Variants in PITPNC1 observed in about 807,000 individuals in gnomAD.
PITPNC1 encodes the protein phosphatidylinositol transfer protein cytoplasmic 1, also known as cytoplasmic phosphatidylinositol transfer protein 1.
Under a neutral mutation model 44.7 loss-of-function variants are expected in PITPNC1, and 18 were observed. The observed-to-expected ratio is 0.40, with a 90% CI of 0.28 to 0.60. PITPNC1 has a LOEUF of 0.60. Ranked by LOEUF, PITPNC1 falls within the 20% of genes least tolerant of loss-of-function variation. The pLI is 0.39. For synonymous variants in PITPNC1, 141 were observed against 149.6 expected (o/e 0.94, Z 0.42); for missense variants, 290 against 418.4 (o/e 0.69, Z 2.68).
chr17:67,612,412 A>G (rs767938951), intron 5 of PITPNC1: 2 of 152,316 alleles, frequency 1.3e-5, no homozygotes, highest in Non-Finnish European at 2.9e-5. Context: ...CATACCCACT[A>G]TCTCACCAGG....
chr17:67,673,916 G>A (rs979152775), intron 7 of PITPNC1, among the ~76,000 whole-genome samples: 8 of 136,854 alleles, frequency 5.8e-5, no homozygotes, highest in African/African-American at 1.1e-4. Context: ...GCAGTGAGCC[G>A]AGATGGCGCC....
At chr17:67,669,769 G>A in intron 7 of PITPNC1, 106 bp downstream of exon 7, 1 of 814,404 alleles carries the variant, frequency 1.2e-6, no homozygotes, top group Non-Finnish European at 1.9e-6. Flanking sequence ...TCAGGTCACT[G>A]CATCTCAAAA....
rs528358016 is a variant in PITPNC1, at chr17:67,508,717, G to A, written c.49-24085G>A. On this transcript the variant is annotated intron_variant, in intron 1 of 8. Transcript: ENST00000581322. The surrounding 1 kb of genome is among the most constrained non-coding windows in gnomAD (Gnocchi z 4.2). ...AAATACTTAGCTGAGGTACCTTCAA[G>A]AGGCAAATTCATAGAGTCAGAAGGT... is the stretch of plus-strand genomic sequence containing the variant. 6.6e-6 allele frequency among the ~76,000 whole-genome samples: 1 copy of A among 152,212 alleles called. No individual in the cohort carries two copies. The highest frequency in any genetic ancestry group is 2.1e-4 in the South Asian group (1 of 4,820).
intron 1 of PITPNC1, among the ~76,000 whole-genome samples, chr17:67,462,753 A>T (rs993501977): frequency 7.8e-6 from 1 of 128,316 alleles, no homozygotes; most frequent in Non-Finnish European, 1.6e-5. Context: ...CCCAGGCTGG[A>T]GTGCAATGGC....
At chr17:67,413,246 A>G (rs1393572211) in intron 1 of PITPNC1, among the ~76,000 whole-genome samples, 1 of 152,166 alleles carries the variant, frequency 6.6e-6, no homozygotes, top group Non-Finnish European at 1.5e-5. Context: ...TATTTTTAGC[A>G]AACACTCTCC....
chr17:67,599,001 C>T (rs1398831199), intron 5 of PITPNC1, among the ~76,000 whole-genome samples: 5 of 45,160 alleles, frequency 1.1e-4, no homozygotes, highest in Non-Finnish European at 1.8e-4. Flanking sequence ...ATAAGAAATA[C>T]ATATATATAT....
At position 67,553,876 on chromosome 17, in the gene PITPNC1, A is replaced by G. The variant is rs576321821; in HGVS notation, c.294+259A>G. On this transcript the variant is annotated intron_variant, in intron 4 of 8. Coordinates refer to ENST00000581322, the MANE Select transcript of PITPNC1 (RefSeq NM_012417.4). Reference sequence around the variant, plus strand: ...AATCAGCCTTTGCTTGTAATTTTTAAATAGCTTGACTGCTTTGTTGGTGAT... The same window carrying G: ...AATCAGCCTTTGCTTGTAATTTTTAGATAGCTTGACTGCTTTGTTGGTGAT... Among the ~76,000 whole-genome samples the G allele has an allele frequency of 5.9e-5, 9 of 152,344 alleles. No homozygotes were observed. The East Asian group carries it at 1.7e-3, about 29-fold the overall frequency.
intron 1 of PITPNC1, among the ~76,000 whole-genome samples, chr17:67,406,260 A>C (rs1280736015): frequency 6.6e-6 from 1 of 152,112 alleles, no homozygotes; most frequent in Non-Finnish European, 1.5e-5. Context: ...CTCCTGCCTC[A>C]GCCTCCTGAG....
chr17:67,684,983 C>A (rs1006225116), intron 8 of PITPNC1, among the ~76,000 whole-genome samples: 1 of 152,246 alleles, frequency 6.6e-6, no homozygotes, highest in South Asian at 2.1e-4. Flanking sequence ...TTCCAAATTA[C>A]TGTCATGCCT....
chr17:67,423,093 C>T lies in PITPNC1; in HGVS notation c.48+44891C>T, dbSNP rs181832812. On this transcript the variant is annotated intron_variant, in intron 1 of 8. Transcript: ENST00000581322. The stretch of plus-strand genomic sequence containing the variant: ...CTGTTTTGATATGTTGAACAAAGTC[C>T]ATTGATTCTTCATGGAGGAGTGCTT... Among the ~76,000 whole-genome samples the T allele has an allele frequency of 1.7e-4, 26 of 152,040 alleles. No individual in the cohort carries two copies. In the East Asian group the frequency reaches 4.4e-3, roughly 26 times the overall value.
At chr17:67,609,287 C>CATT (rs2041656292) in intron 5 of PITPNC1, among the ~76,000 whole-genome samples, 1 of 129,836 alleles carries the variant, frequency 7.7e-6, no homozygotes, top group South Asian at 2.5e-4. Context: ...TCTTCTTCTT[C>CATT]CTTTTTTTTT....
At chr17:67,394,056 TCTCAAACTC>T (rs2038177925) in intron 1 of PITPNC1, among the ~76,000 whole-genome samples, 2 of 152,144 alleles carry the variant, frequency 1.3e-5, no homozygotes, top group Admixed American at 1.3e-4. Context: ...ACCAGGCTGT[TCTCAAACTC>T]CTGACCTCAT....
rs2043016470 is a variant in PITPNC1, at chr17:67,696,748, G to A, written c.*3860G>A. On this transcript the variant is annotated 3_prime_UTR_variant, in exon 9 of 9. Transcript: ENST00000581322. ...CAATCTGTTTGCATTTGAAATATAAGTGTTTAAGCTTTTTAGGAGTTAGTG... is the reference window on the plus strand; with the variant it reads ...CAATCTGTTTGCATTTGAAATATAAATGTTTAAGCTTTTTAGGAGTTAGTG... 6.6e-6 allele frequency: 1 copy of A among 152,226 alleles called. No individual in the cohort carries two copies. The highest frequency in any genetic ancestry group is 2.4e-5 in the African/African-American group (1 of 41,462). The allele number at this position is 152,226 out of a possible 1,614,324, so 9.4% of individuals were successfully genotyped here.
At chr17:67,539,425 G>A (rs1265803674) in intron 2 of PITPNC1, among the ~76,000 whole-genome samples, 2 of 152,210 alleles carry the variant, frequency 1.3e-5, no homozygotes, top group Non-Finnish European at 2.9e-5. Flanking sequence ...ATCTGTGAAT[G>A]GGAATACATT....
At chr17:67,421,061 C>G (rs986839366) in intron 1 of PITPNC1, among the ~76,000 whole-genome samples, 1 of 152,078 alleles carries the variant, frequency 6.6e-6, no homozygotes, top group African/African-American at 2.4e-5. Flanking sequence ...GGGAAGATGA[C>G]ATTTCAGGAG....
chr17:67,482,836 G>C (rs1036888639), intron 1 of PITPNC1, among the ~76,000 whole-genome samples: 2 of 152,164 alleles, frequency 1.3e-5, no homozygotes, highest in African/African-American at 4.8e-5. Flanking sequence ...TTTAAAAATT[G>C]GGTGAACCAG....
intron 1 of PITPNC1, among the ~76,000 whole-genome samples, chr17:67,383,516 T>C (rs1018283089): frequency 1.3e-5 from 2 of 152,070 alleles, no homozygotes; most frequent in African/African-American, 2.4e-5. Flanking sequence ...GGTAGCCCCA[T>C]TGGAACCTAT....
chr17:67,502,100 A>T (rs2040038361), intron 1 of PITPNC1, among the ~76,000 whole-genome samples: 1 of 152,208 alleles, frequency 6.6e-6, no homozygotes, highest in Admixed American at 6.5e-5. Flanking sequence ...AGCACATTAG[A>T]TGTGTCTTCG....
In PITPNC1 at chr17:67,552,117, AGATGGG is replaced by A. The variant is rs2040773015; in HGVS notation, c.198-137_198-132del. The A allele has an allele frequency of 4.8e-6, 3 of 630,366 alleles. No homozygotes were observed. The South Asian group carries it at 5.5e-5, about 12-fold the overall frequency. 39.0% of individuals were successfully genotyped at this position (630,366 alleles called of 1,614,324 possible). A position where few individuals can be genotyped will look rare whatever the true frequency, so the allele number is the denominator to read the frequency against. On this transcript the variant is annotated intron_variant, in intron 2 of 8. Transcript: ENST00000581322. ...AAGTTAACTATGACAAAGACCGAAGAGATGGGGAAAGGGCAGCTGTGGAGAAAAGAG... is the reference window on the plus strand; with the variant it reads ...AAGTTAACTATGACAAAGACCGAAGAGAAAGGGCAGCTGTGGAGAAAAGAG...
Sources: gnomAD v4.1 joint callset for allele counts (sites outside exome capture counted in the v4.1 genomes callset) on GRCh38, gnomAD v4.1.1 for gene constraint, Gnocchi (gnomAD v3.1) non-coding constraint, MANE v1.5 for transcripts, NCBI Gene and HGNC (gene_info 2026-07-23, HGNC 2026-07-21) for gene names.